The following IFT88 variants were observed in gnomAD, a reference collection of about 807,000 sequenced individuals.
IFT88 encodes the protein intraflagellar transport 88.
Under a neutral mutation model 119.5 loss-of-function variants are expected in IFT88, and 74 were observed. The ratio of observed to expected loss-of-function variants is 0.62; its 90% CI spans 0.51 to 0.75. The LOEUF (loss-of-function observed/expected upper bound fraction) is 0.75, where lower values mean the gene tolerates loss of function less well. IFT88 is among the 30% of genes least tolerant of loss of function. The pLI is 0.00. For missense variants in IFT88, 961 were observed against 977.7 expected, an observed-to-expected ratio of 0.98 and a Z score of 0.23; for synonymous variants, 279 against 316.7, an observed-to-expected ratio of 0.88 and a Z score of 1.26.
chr13:20,587,734 CT>C (rs2039947038), intron 3 of IFT88, among the ~76,000 whole-genome samples: 1 of 151,918 alleles, frequency 6.6e-6, no homozygotes, highest in South Asian at 2.1e-4. Context: ...TCTAGTAATG[CT>C]TTTTGTCTGT....
At chr13:20,667,482 G>GC (rs1163181601) in intron 23 of IFT88, among the ~76,000 whole-genome samples, 1 of 152,220 alleles carries the variant, frequency 6.6e-6, no homozygotes, top group Non-Finnish European at 1.5e-5. Flanking sequence ...AGTGCCCACA[G>GC]CCCAGGGTGT....
chr13:20,583,126 C>A (rs893415535), intron 3 of IFT88, 107 bp downstream of exon 3: 11 of 625,368 alleles, frequency 1.8e-5, no homozygotes, highest in Non-Finnish European at 2.8e-5. Flanking sequence ...AAGATTATAA[C>A]CATCATTAAG....
At position 20,655,668 on chromosome 13, in the gene IFT88, A is replaced by AT. The variant is rs1157347634; in HGVS notation, c.2003-692dup. The stretch of plus-strand genomic sequence containing the variant: ...GCCACCATGGCCAGTTAATTTTTGT[A>AT]TTTTTAGTAGAGAAGGGGTTTCACC... On this transcript the variant is annotated intron_variant, in intron 21 of 25. Transcript: ENST00000351808. Among the ~76,000 whole-genome samples the AT allele has an allele frequency of 2.6e-5, 4 of 151,706 alleles. No homozygotes were observed. In the East Asian group the frequency reaches 7.8e-4, roughly 30 times the overall value.
chr13:20,638,432 C>G lies in IFT88; in HGVS notation c.1487C>G (p.Ala496Gly). Residue 496 changes from alanine (A) to glycine (G), a missense_variant, in exon 17 of 26, where the codon GCA (alanine) becomes GGA (glycine). Ala to Gly is a moderately conservative substitution (Grantham distance 60, BLOSUM62 0). Transcript: ENST00000351808. ...ALTNKGNTVF[A>G]NGDYEKAAEF... ...ACTAATAAAGGGAATACAGTTTTTGCAAATGGTGATTATGAGAAGGCCGCT... is the reference window on the plus strand; with the variant it reads ...ACTAATAAAGGGAATACAGTTTTTGGAAATGGTGATTATGAGAAGGCCGCT... The G allele has an allele frequency of 2.0e-6, 3 of 1,528,988 alleles. No homozygotes were observed. The highest frequency in any genetic ancestry group is 1.4e-5 in the South Asian group (1 of 72,618). 94.7% of individuals were successfully genotyped at this position (1,528,988 alleles called of 1,614,324 possible).
intron 24 of IFT88, among the ~76,000 whole-genome samples, chr13:20,675,450 C>T (rs2056543226): frequency 6.6e-6 from 1 of 152,180 alleles, no homozygotes; most frequent in Admixed American, 6.5e-5. Flanking sequence ...AGATAGTGAA[C>T]AGCACCAGAG....
chr13:20,661,831 G>A (rs1271252625), intron 22 of IFT88, among the ~76,000 whole-genome samples: 1 of 152,164 alleles, frequency 6.6e-6, no homozygotes. Context: ...GCAGAGGTAT[G>A]TAGGTAGTGG....
chr13:20,664,061 T>C (rs1251301888), intron 23 of IFT88, among the ~76,000 whole-genome samples: 1 of 152,224 alleles, frequency 6.6e-6, no homozygotes, highest in African/African-American at 2.4e-5. Context: ...GTTACCTTGA[T>C]CAAATACCAA....
At position 20,688,599 on chromosome 13, in the gene IFT88, C is replaced by G. The variant is rs572872806; in HGVS notation, c.2243-2106C>G. Among the ~76,000 whole-genome samples, 4 of 152,292 alleles carry G rather than the reference C, an allele frequency of 2.6e-5. No homozygotes were observed. The South Asian group carries it at 6.2e-4, about 24-fold the overall frequency. On this transcript the variant is annotated intron_variant, in intron 24 of 25. Coordinates refer to ENST00000351808, the MANE Select transcript of IFT88 (RefSeq NM_006531.5). ...CTTAAATCCTCCTTGGAGGAATGCA[C>G]TTTTAAGTTCCAAAGAATAAGAACC...
chr13:20,643,464 A>G lies in IFT88; in HGVS notation c.1692A>G (p.Leu564=). ...VLYQIANIYE[L]MENPSQAIEW... ...ACTGACATTGCATAAGATATGAATT[A>G]ATGGAAAATCCCAGTCAAGCTATTG... The change falls in exon 19 of 26, where the codon TTA becomes TTG. Residue 564 remains leucine (L), a synonymous_variant. Coordinates refer to ENST00000351808, the MANE Select transcript of IFT88 (RefSeq NM_006531.5). 2 of 1,596,636 alleles carry G rather than the reference A, an allele frequency of 1.3e-6. No individual in the cohort carries two copies. The highest frequency in any genetic ancestry group is 1.7e-6 in the Non-Finnish European group (2 of 1,175,326).
At chr13:20,673,763 A>G (rs1445313786) in intron 24 of IFT88, among the ~76,000 whole-genome samples, 1 of 151,872 alleles carries the variant, frequency 6.6e-6, no homozygotes, top group Non-Finnish European at 1.5e-5. Context: ...TTTTTAATCT[A>G]TTTTCCTTTC....
rs752851395 is a variant in IFT88, at chr13:20,644,954, A to G, written c.1945A>G (p.Ile649Val). 2 of 1,426,762 alleles carry G rather than the reference A, an allele frequency of 1.4e-6. No homozygotes were observed. The highest frequency in any genetic ancestry group is 1.4e-5 in the African/African-American group (1 of 70,928). 88.4% of individuals were successfully genotyped at this position (1,426,762 alleles called of 1,614,324 possible). ...TCAGTACTTTGAAAGAGCTTCTCTTATACAGTAAGTAATCATTAGGATTTT... is the reference window on the plus strand; with the variant it reads ...TCAGTACTTTGAAAGAGCTTCTCTTGTACAGTAAGTAATCATTAGGATTTT... Reference protein sequence around the residue: ...AIQYFERASLIQPTQVKWQLM... With the variant: ...AIQYFERASLVQPTQVKWQLM... The change falls in exon 20 of 26, where the codon ATA becomes GTA. Residue 649 changes from isoleucine (I) to valine (V), a missense_variant. Ile to Val is a conservative substitution (Grantham distance 29, BLOSUM62 3). Coordinates refer to ENST00000351808, the MANE Select transcript of IFT88 (RefSeq NM_006531.5).
intron 9 of IFT88, 30 bp downstream of exon 9, chr13:20,597,149 A>G: frequency 7.5e-7 from 1 of 1,341,200 alleles, no homozygotes; most frequent in Non-Finnish European, 1.0e-6. Context: ...ACAATTTTTA[A>G]ATAAAATTTT....
chr13:20,601,063 G>A (rs1007338111), intron 11 of IFT88, among the ~76,000 whole-genome samples: 1 of 152,162 alleles, frequency 6.6e-6, no homozygotes, highest in African/African-American at 2.4e-5. Context: ...AAGAGACAGA[G>A]AGACAGAAAA....
At chr13:20,616,905 T>C (rs1233887769) in intron 14 of IFT88, among the ~76,000 whole-genome samples, 2 of 152,118 alleles carry the variant, frequency 1.3e-5, no homozygotes, top group African/African-American at 4.8e-5. Context: ...GTTGTCTATG[T>C]GGTTGGTCCT....
At chr13:20,666,702 AT>A (rs1287459412) in intron 23 of IFT88, among the ~76,000 whole-genome samples, 2 of 152,014 alleles carry the variant, frequency 1.3e-5, no homozygotes, top group Non-Finnish European at 2.9e-5. Flanking sequence ...ATGACATAAT[AT>A]TTTTTCCAGG....
chr13:20,580,794 C>T (rs1461443719), intron 2 of IFT88, among the ~76,000 whole-genome samples: 3 of 146,794 alleles, frequency 2.0e-5, no homozygotes, highest in African/African-American at 7.6e-5. Context: ...GGCGCGACCT[C>T]TGCTCATTGT....
At chr13:20,588,063 G>T (rs138420178) in intron 3 of IFT88, among the ~76,000 whole-genome samples, 1,694 of 129,946 alleles carry the variant, frequency 0.013, 33 homozygotes, top group African/African-American at 0.047. Flanking sequence ...TTTTTTGCTT[G>T]TTTTTTATTA....
intron 22 of IFT88, among the ~76,000 whole-genome samples, chr13:20,663,052 C>T (rs1042887581): frequency 2.0e-5 from 3 of 152,198 alleles, no homozygotes; most frequent in African/African-American, 4.8e-5. Flanking sequence ...GTGCTTTGCA[C>T]AGTGTGAATA....
At position 20,671,044 on chromosome 13, in the gene IFT88, G is replaced by C. The variant is rs1286783491; in HGVS notation, c.2242+5G>C. 3 of 1,612,840 alleles carry C rather than the reference G, an allele frequency of 1.9e-6. No homozygotes were observed. The South Asian group carries it at 3.3e-5, about 18-fold the overall frequency. ...GAGAAGGAAGTGCTAGCGGTGGTAA[G>C]TATTTTCTCTTTCCCTGAAAAACTT... is the stretch of plus-strand genomic sequence containing the variant. On this transcript the variant is annotated splice_donor_5th_base_variant and intron_variant, in intron 24 of 25. Transcript: ENST00000351808.
Sources: allele counts gnomAD v4.1 joint callset (sites outside exome capture counted in the v4.1 genomes callset), GRCh38; gene constraint gnomAD v4.1.1; transcripts MANE v1.5; gene names NCBI Gene and HGNC (gene_info 2026-07-23, HGNC 2026-07-21).